Variants in TXLNB observed in about 807,000 individuals in gnomAD.
TXLNB encodes beta-taxilin.
A neutral mutation model predicts 57.4 loss-of-function variants in TXLNB; 37 were observed. The observed-to-expected ratio is 0.64, with a 90% CI of 0.50 to 0.85. The LOEUF is 0.85. Among genes scored for constraint, TXLNB ranks in the 40% least tolerant of loss-of-function variants. The pLI, the probability that TXLNB is intolerant of heterozygous loss-of-function variation, is 0.00. For synonymous variants in TXLNB, 302 were observed against 309.6 expected, an observed-to-expected ratio of 0.98 and a Z score of 0.26; for missense variants, 848 against 825.6, an observed-to-expected ratio of 1.03 and a Z score of -0.33.
chr6:139,235,747 G>A (rs939968637), downstream of TXLNB, among the ~76,000 whole-genome samples: 11 of 151,822 alleles, frequency 7.2e-5, no homozygotes, highest in Non-Finnish European at 1.2e-4. Flanking sequence ...CTGTTTTCAC[G>A]CCCAAATGCT....
the TXLNB span, among the ~76,000 whole-genome samples, chr6:139,220,426 G>C: frequency 2.0e-5 from 3 of 152,218 alleles, no homozygotes; most frequent in Non-Finnish European, 4.4e-5. Context: ...TAGTACTTTA[G>C]TTTATGGGGT....
At chr6:139,267,351 C>T (rs1446440822) in intron 4 of TXLNB, among the ~76,000 whole-genome samples, 1 of 151,998 alleles carries the variant, frequency 6.6e-6, no homozygotes. Context: ...AGCTTAAAGG[C>T]TGAGGGAGTA....
At chr6:139,262,474 T>A (rs1006854617) in intron 5 of TXLNB, 105 bp downstream of exon 5, 12 of 937,390 alleles carry the variant, frequency 1.3e-5, no homozygotes, top group Admixed American at 3.0e-5. Context: ...TAAATATTAA[T>A]CAGTTGAGAG....
At chr6:139,291,889 A>C (rs1481650746) in intron 1 of TXLNB, 32 bp downstream of exon 1, 1 of 152,174 alleles carries the variant, frequency 6.6e-6, no homozygotes, top group Non-Finnish European at 1.5e-5. Context: ...ATACCTTCTC[A>C]CAGGGCTTGG....
At chr6:139,176,936 C>T in the TXLNB span, 7 of 868,982 alleles carry the variant, frequency 8.1e-6, no homozygotes, top group South Asian at 1.3e-5. The surrounding 1 kb of genome is among the most constrained non-coding windows in gnomAD (Gnocchi z 4.5). Flanking sequence ...GTCTGTTTCC[C>T]CCAGGCCCGC....
the TXLNB span, among the ~76,000 whole-genome samples, chr6:139,216,500 A>G: frequency 6.7e-6 from 1 of 149,880 alleles, no homozygotes; most frequent in East Asian, 2.0e-4. Context: ...GGGGAGGGAT[A>G]GCATTAGGAG....
At chr6:139,285,002 C>T (rs996020865) in intron 2 of TXLNB, among the ~76,000 whole-genome samples, 1 of 144,800 alleles carries the variant, frequency 6.9e-6, no homozygotes, top group African/African-American at 2.6e-5. Flanking sequence ...AGGTCATGAG[C>T]CCACACATAC....
At chr6:139,194,413 G>T in the TXLNB span, among the ~76,000 whole-genome samples, 1 of 152,192 alleles carries the variant, frequency 6.6e-6, no homozygotes, top group African/African-American at 2.4e-5. Flanking sequence ...TTGAGTTCTT[G>T]ATCTTTCTCT....
chr6:139,234,457 T>G, the TXLNB span: 1 of 152,432 alleles, frequency 6.6e-6, no homozygotes, highest in Non-Finnish European at 1.5e-5. Context: ...CATGGGGCCC[T>G]GCATCTCAGC....
At chr6:139,193,040 A>T in the TXLNB span, among the ~76,000 whole-genome samples, 17 of 151,946 alleles carry the variant, frequency 1.1e-4, no homozygotes, top group African/African-American at 3.9e-4. Context: ...CATGTGTTAA[A>T]ACCTGTGGTC....
intron 3 of TXLNB, among the ~76,000 whole-genome samples, chr6:139,273,667 A>G (rs747972542): frequency 6.6e-6 from 1 of 152,156 alleles, no homozygotes; most frequent in Non-Finnish European, 1.5e-5. Context: ...CATATTGTCC[A>G]GGCTAGTCTT....
At chr6:139,277,044 G>T in intron 2 of TXLNB, 123 bp from the exon 3 acceptor site, 1 of 673,694 alleles carries the variant, frequency 1.5e-6, no homozygotes. Context: ...CATCTTATCA[G>T]ATGTAATTTT....
Position 139,247,850 on chromosome 6 carries a change from C to T in TXLNB, c.1137G>A (p.Glu379=), listed in dbSNP as rs370464179. The change falls in exon 8 of 10, where the codon GAG becomes GAA. Residue 379 remains glutamate (E), a synonymous_variant. Coordinates refer to ENST00000358430, the MANE Select transcript of TXLNB (RefSeq NM_153235.4). ...TTTCCTGTTTGAACGTGGCAAACACCTCGTTGCTTTTAGTTAGTGTGCTCT... is the reference window on the plus strand; with the variant it reads ...TTTCCTGTTTGAACGTGGCAAACACTTCGTTGCTTTTAGTTAGTGTGCTCT... ...EFQSTLTKSN[E]VFATFKQEMD... is the part of the protein sequence containing the mutation. The T allele has an allele frequency of 2.5e-6, 4 of 1,606,654 alleles. No individual in the cohort carries two copies. Among genetic ancestry groups the T allele is most frequent in the Non-Finnish European group, 3.4e-6 (4 of 1,176,476 alleles).
chr6:139,211,592 C>T, the TXLNB span, among the ~76,000 whole-genome samples: 342 of 152,298 alleles, frequency 2.2e-3, 1 homozygote, highest in African/African-American at 7.6e-3. Context: ...TCCAAAGGAA[C>T]GCAGCTCCTC....
rs148446948 is a variant in TXLNB at position 139,261,301 on chromosome 6, T to C, written c.883-864A>G. 3.3e-5 allele frequency among the ~76,000 whole-genome samples: 5 copies of C among 152,326 alleles called. No homozygotes were observed. In the East Asian group the frequency reaches 9.6e-4, roughly 29 times the overall value. On this transcript the variant is annotated intron_variant, in intron 5 of 9. Transcript: ENST00000358430. The stretch of plus-strand genomic sequence containing the variant: ...CTATCTTCTTTAGTCTGAACCTCCA[T>C]TCTGGAGCGGGATTGATCCTTATGA...
chr6:139,171,278 A>T, the TXLNB span, among the ~76,000 whole-genome samples: 2 of 152,228 alleles, frequency 1.3e-5, no homozygotes, highest in Non-Finnish European at 2.9e-5. Context: ...AAATCTTGAG[A>T]GTACCTTTCA....
the TXLNB span, among the ~76,000 whole-genome samples, chr6:139,187,194 A>G: frequency 5.3e-5 from 8 of 152,236 alleles, no homozygotes; most frequent in South Asian, 1.7e-3. Context: ...CTTGTATATC[A>G]TAAACATTTT....
chr6:139,201,853 T>C, the TXLNB span: 1 of 152,248 alleles, frequency 6.6e-6, no homozygotes, highest in Non-Finnish European at 1.5e-5. Context: ...AACACCTTGC[T>C]ATAAACATGC....
At chr6:139,296,744 TCTC>T (rs1272029523), upstream of TXLNB, among the ~76,000 whole-genome samples, 3 of 152,050 alleles carry the variant, frequency 2.0e-5, no homozygotes, top group Non-Finnish European at 4.4e-5. Flanking sequence ...AACTGTTCCT[TCTC>T]CTAACTGGAA....
Sources: gnomAD v4.1 joint callset for allele counts (sites outside exome capture counted in the v4.1 genomes callset) on GRCh38, gnomAD v4.1.1 for gene constraint, Gnocchi (gnomAD v3.1) non-coding constraint, MANE v1.5 for transcripts, NCBI Gene and HGNC (gene_info 2026-07-23, HGNC 2026-07-21) for gene names.